Variants in GRID2 observed in about 807,000 individuals in gnomAD.
The protein encoded by GRID2 is glutamate receptor ionotropic, delta-2.
Under a neutral mutation model 114.8 loss-of-function variants are expected in GRID2, and 33 were observed. The ratio of observed to expected loss-of-function variants is 0.29; its 90% CI spans 0.22 to 0.38. GRID2 has a LOEUF of 0.38. Ranked by LOEUF, GRID2 falls within the 10% of genes least tolerant of loss-of-function variation. The pLI, the probability that GRID2 is intolerant of heterozygous loss-of-function variation, is 1.00. For missense variants in GRID2, 1,184 were observed against 1,257.7 expected, an observed-to-expected ratio of 0.94 and a Z score of 0.89; for synonymous variants, 505 against 449.9, an observed-to-expected ratio of 1.12 and a Z score of -1.55.
At chr4:92,526,535 G>A (rs953939784) in intron 1 of GRID2, among the ~76,000 whole-genome samples, 2 of 151,926 alleles carry the variant, frequency 1.3e-5, no homozygotes, top group Admixed American at 1.3e-4. Flanking sequence ...GTAGAGCCAG[G>A]GTTTCACCAT....
intron 8 of GRID2, among the ~76,000 whole-genome samples, chr4:93,342,188 A>T (rs1195904801): frequency 6.6e-6 from 1 of 152,192 alleles, no homozygotes; most frequent in Non-Finnish European, 1.5e-5. Context: ...CTGTAAGTCC[A>T]TGTAAGTCCA....
intron 14 of GRID2, among the ~76,000 whole-genome samples, chr4:93,650,083 A>G (rs2149720200): frequency 6.6e-6 from 1 of 152,058 alleles, no homozygotes; most frequent in Non-Finnish European, 1.5e-5. Flanking sequence ...CTTGATTCCT[A>G]GGCTCACACT....
intron 1 of GRID2, among the ~76,000 whole-genome samples, chr4:92,358,414 T>C (rs1470551427): frequency 6.6e-6 from 1 of 151,876 alleles, no homozygotes; most frequent in African/African-American, 2.4e-5. Context: ...TCTCTTGCAG[T>C]CCTGGCAGTG....
chr4:93,441,414 G>C lies in GRID2; in HGVS notation c.1546-14248G>C, dbSNP rs142649549. On this transcript the variant is annotated intron_variant, in intron 10 of 15. Transcript: ENST00000282020. ...ATAAACATAGAGAAATATGCTACAA[G>C]TAAAAGAGAATAATAAAAATTTATT... 5.1e-3 allele frequency among the ~76,000 whole-genome samples: 780 copies of C among 152,076 alleles called. 5 individuals carry two copies. The highest frequency in any genetic ancestry group is 0.018 in the African/African-American group (749 of 41,526).
At chr4:93,164,922 G>A (rs1738103957) in intron 4 of GRID2, 1 of 231,626 alleles carries the variant, frequency 4.3e-6, no homozygotes, top group Non-Finnish European at 9.4e-6. Flanking sequence ...TTTCCAGAGA[G>A]GCACTATGAC....
intron 1 of GRID2, among the ~76,000 whole-genome samples, chr4:92,502,406 G>C (rs565544042): frequency 1.0e-3 from 156 of 151,976 alleles, no homozygotes; most frequent in Non-Finnish European, 1.9e-3. Flanking sequence ...TAATGTTGTT[G>C]CCACATAAAA....
intron 4 of GRID2, among the ~76,000 whole-genome samples, chr4:93,180,593 A>T (rs959000512): frequency 6.6e-6 from 1 of 152,128 alleles, no homozygotes; most frequent in Non-Finnish European, 1.5e-5. Context: ...GTAGAGAAGA[A>T]CTTCTGTCAA....
At chr4:93,171,781 G>A (rs984226492) in intron 4 of GRID2, among the ~76,000 whole-genome samples, 1 of 152,082 alleles carries the variant, frequency 6.6e-6, no homozygotes, top group African/African-American at 2.4e-5. Flanking sequence ...ATCGCTCAAT[G>A]ATTTACTTAG....
chr4:93,364,550 T>C (rs1231190936), intron 8 of GRID2, among the ~76,000 whole-genome samples: 6 of 152,090 alleles, frequency 3.9e-5, no homozygotes, highest in Non-Finnish European at 7.4e-5. Flanking sequence ...TAGCTCACCG[T>C]AACGTTCAAC....
chr4:92,627,963 ACAT>A (rs1164358565), intron 2 of GRID2, among the ~76,000 whole-genome samples: 1 of 152,186 alleles, frequency 6.6e-6, no homozygotes, highest in Non-Finnish European at 1.5e-5. Flanking sequence ...GTGCAGTGAC[ACAT>A]CATTATATAG....
rs1306513074 is a variant in GRID2 at position 93,769,248 on chromosome 4, T to C, written c.2399T>C (p.Leu800Pro). 6.2e-7 allele frequency: 1 copy of C among 1,613,962 alleles called. No homozygotes were observed. The highest frequency in any genetic ancestry group is 2.2e-5 in the East Asian group (1 of 44,876). Reference sequence around the variant, plus strand: ...CAGCAGAATGGTGACATGGACATCCTGAAGCACAAATGGTGGCCTAAGAAT... The same window carrying C: ...CAGCAGAATGGTGACATGGACATCCCGAAGCACAAATGGTGGCCTAAGAAT... The part of the protein sequence containing the change: ...ELQQNGDMDI[L>P]KHKWWPKNGQ... Residue 800 changes from leucine (L) to proline (P), a missense_variant, in exon 15 of 16, where the codon CTG (leucine) becomes CCG (proline). By Grantham distance (98) the Leu-to-Pro change is moderately conservative (BLOSUM62 -3). Coordinates refer to ENST00000282020, the MANE Select transcript of GRID2 (RefSeq NM_001510.4).
At chr4:93,804,673 T>C (rs928722224) in intron 1 of GRID2, among the ~76,000 whole-genome samples, 1 of 152,188 alleles carries the variant, frequency 6.6e-6, no homozygotes, top group East Asian at 1.9e-4. Flanking sequence ...TTAAGAAATA[T>C]TAGAATTTAA....
intron 11 of GRID2, among the ~76,000 whole-genome samples, chr4:93,471,049 A>C (rs961472875): frequency 6.6e-6 from 1 of 152,070 alleles, no homozygotes; most frequent in Non-Finnish European, 1.5e-5. Context: ...CAGGGAATTC[A>C]AAGGAAGTAA....
chr4:92,577,483 G>A (rs1727953529), intron 1 of GRID2, among the ~76,000 whole-genome samples: 1 of 152,186 alleles, frequency 6.6e-6, no homozygotes, highest in Non-Finnish European at 1.5e-5. Flanking sequence ...ATCTGGGCAG[G>A]AGGTAGTCAA....
intron 2 of GRID2, among the ~76,000 whole-genome samples, chr4:92,647,560 G>T (rs993974940): frequency 1.3e-5 from 2 of 149,084 alleles, no homozygotes; most frequent in South Asian, 4.2e-4. Context: ...CTCCATAATG[G>T]TTTCTCATTA....
chr4:92,708,714 T>C (rs1414137277), intron 2 of GRID2, among the ~76,000 whole-genome samples: 5 of 152,186 alleles, frequency 3.3e-5, no homozygotes, highest in East Asian at 1.9e-4. Context: ...TTGTAGCGAA[T>C]GTCTTTTAAG....
At chr4:92,843,988 T>A (rs1460820818) in intron 2 of GRID2, among the ~76,000 whole-genome samples, 2 of 152,138 alleles carry the variant, frequency 1.3e-5, no homozygotes, top group African/African-American at 4.8e-5. Flanking sequence ...AATGCTGACG[T>A]AGTTTATTAT....
chr4:93,614,344 A>T (rs1394663165), intron 13 of GRID2, among the ~76,000 whole-genome samples: 1 of 152,020 alleles, frequency 6.6e-6, no homozygotes, highest in Non-Finnish European at 1.5e-5. Context: ...CCCCCCTGAA[A>T]ATTATTATTT....
intron 1 of GRID2, among the ~76,000 whole-genome samples, chr4:92,447,563 C>T (rs1255890633): frequency 6.6e-6 from 1 of 152,196 alleles, no homozygotes; most frequent in East Asian, 1.9e-4. Context: ...CAGTACTTAA[C>T]TTCTTATCTT....
Sources: gnomAD v4.1 joint callset for allele counts (sites outside exome capture counted in the v4.1 genomes callset) on GRCh38, gnomAD v4.1.1 for gene constraint, MANE v1.5 for transcripts, NCBI Gene and HGNC (gene_info 2026-07-23, HGNC 2026-07-21) for gene names.